Variants in HTR1E observed in about 807,000 individuals in gnomAD.
The protein encoded by HTR1E is 5-hydroxytryptamine receptor 1E.
A neutral mutation model predicts 3.4 loss-of-function variants in HTR1E; 3 were observed. The observed-to-expected ratio is 0.89, with a 90% confidence interval of 0.41 to 2.31. The LOEUF (loss-of-function observed/expected upper bound fraction) is 2.31. Ranked by LOEUF, HTR1E falls within the 30% of genes most tolerant of loss-of-function variation. HTR1E has a pLI of 0.05. For missense variants in HTR1E, 392 were observed against 467.0 expected (o/e 0.84, Z 1.48); for synonymous variants, 170 against 182.8 (o/e 0.93, Z 0.56).
chr6:87,012,420 G>A (rs927145884), intron 1 of HTR1E, among the ~76,000 whole-genome samples: 1 of 152,168 alleles, frequency 6.6e-6, no homozygotes, highest in Non-Finnish European at 1.5e-5. Context: ...AGTGGAGGGT[G>A]AGATTTGAAA....
In HTR1E at chr6:86,994,367, T is replaced by A. The variant is rs181896494; in HGVS notation, c.-185-20783T>A. Among the ~76,000 whole-genome samples, 350 of 151,682 alleles carry A rather than the reference T, an allele frequency of 2.3e-3. 2 individuals carry two copies. The highest frequency in any genetic ancestry group is 2.7e-3 in the Non-Finnish European group (184 of 67,900). On this transcript the variant is annotated intron_variant, in intron 1 of 1. Transcript: ENST00000305344. Reference sequence around the variant, plus strand: ...CTGAAAATTAAAGACAAACAAAAAATCTTGCAGCTGTGAAAGAGAAATGAC... The same window carrying A: ...CTGAAAATTAAAGACAAACAAAAAAACTTGCAGCTGTGAAAGAGAAATGAC...
intron 1 of HTR1E, among the ~76,000 whole-genome samples, chr6:86,943,055 C>T (rs1427109771): frequency 6.6e-6 from 1 of 152,088 alleles, no homozygotes; most frequent in African/African-American, 2.4e-5. Context: ...TACTGAGTAC[C>T]CTTTCTCAGA....
At chr6:86,963,485 G>A (rs377075328) in intron 1 of HTR1E, among the ~76,000 whole-genome samples, 2 of 152,300 alleles carry the variant, frequency 1.3e-5, no homozygotes, top group South Asian at 4.1e-4. Flanking sequence ...TTAGTGTACA[G>A]TGTTTAGAAA....
chr6:86,998,782 T>C (rs1434827873), intron 1 of HTR1E, among the ~76,000 whole-genome samples: 2 of 152,148 alleles, frequency 1.3e-5, no homozygotes. Context: ...CGAAAGCTGG[T>C]TCTTTAAAAA....
At chr6:86,965,268 T>A (rs1372653165) in intron 1 of HTR1E, among the ~76,000 whole-genome samples, 1 of 152,152 alleles carries the variant, frequency 6.6e-6, no homozygotes, top group Non-Finnish European at 1.5e-5. Context: ...GCAGGAGTGT[T>A]CCTACCTGAT....
At chr6:86,975,260 T>C (rs933617675) in intron 1 of HTR1E, among the ~76,000 whole-genome samples, 1 of 152,242 alleles carries the variant, frequency 6.6e-6, no homozygotes, top group Admixed American at 6.5e-5. Flanking sequence ...TTTCCATATA[T>C]GCAATTCCTA....
rs560455461 is a variant in HTR1E, at chr6:86,983,313, C to CTATCACTATCTTCTGATCATGG, written c.-185-31817_-185-31796dup. ...TGCTAAGTTAGAAACATACATATCA[C>CTATCACTATCTTCTGATCATGG]TATCACTATCTTCTGATCATGGTAT... is the stretch of plus-strand genomic sequence containing the variant. On this transcript the variant is annotated intron_variant, in intron 1 of 1. Coordinates refer to ENST00000305344, the MANE Select transcript of HTR1E (RefSeq NM_000865.3). Among the ~76,000 whole-genome samples, 537 of 152,302 alleles carry CTATCACTATCTTCTGATCATGG rather than the reference C, an allele frequency of 3.5e-3. 2 individuals are homozygous for CTATCACTATCTTCTGATCATGG. Among genetic ancestry groups the CTATCACTATCTTCTGATCATGG allele is most frequent in the African/African-American group, 0.012 (517 of 41,562 alleles).
chr6:87,001,567 A>G (rs1049817504), intron 1 of HTR1E, among the ~76,000 whole-genome samples: 7 of 152,200 alleles, frequency 4.6e-5, no homozygotes, highest in Admixed American at 1.3e-4. Flanking sequence ...TCTCAAATCC[A>G]TCTCTCTGAC....
At chr6:86,965,439 G>A (rs1484270645) in intron 1 of HTR1E, among the ~76,000 whole-genome samples, 7 of 152,046 alleles carry the variant, frequency 4.6e-5, no homozygotes, top group African/African-American at 1.4e-4. Flanking sequence ...GGGAAGTTCT[G>A]TATTTTTTTT....
At chr6:86,972,061 G>C (rs1160793294) in intron 1 of HTR1E, among the ~76,000 whole-genome samples, 1 of 152,124 alleles carries the variant, frequency 6.6e-6, no homozygotes. Context: ...ATTTTAAACA[G>C]AGCATTATAA....
chr6:87,010,082 G>A (rs1274795473), intron 1 of HTR1E, among the ~76,000 whole-genome samples: 8 of 129,736 alleles, frequency 6.2e-5, no homozygotes, highest in Middle Eastern at 4.4e-3. Flanking sequence ...CCTCCCTCCC[G>A]GACGGGGTGG....
chr6:86,973,858 C>T (rs1021313182), intron 1 of HTR1E, among the ~76,000 whole-genome samples: 61 of 152,238 alleles, frequency 4.0e-4, no homozygotes, highest in African/African-American at 1.4e-3. Flanking sequence ...AGGTGAAAGC[C>T]GCAATAAACT....
intron 1 of HTR1E, among the ~76,000 whole-genome samples, chr6:86,995,772 A>G (rs904095422): frequency 6.6e-6 from 1 of 151,724 alleles, no homozygotes; most frequent in Non-Finnish European, 1.5e-5. Flanking sequence ...TTGAAAGTAA[A>G]AGAGTAGAAA....
intron 1 of HTR1E, among the ~76,000 whole-genome samples, chr6:86,954,154 TGAA>T (rs1767289638): frequency 6.6e-6 from 1 of 152,160 alleles, no homozygotes. Flanking sequence ...AGGGATATTA[TGAA>T]GAAGTCAAAG....
intron 1 of HTR1E, among the ~76,000 whole-genome samples, chr6:87,014,360 A>G (rs186675217): frequency 6.6e-6 from 1 of 152,044 alleles, no homozygotes; most frequent in Admixed American, 6.5e-5. Flanking sequence ...TGTTGGTGGG[A>G]GTGTAAATTA....
At position 86,991,649 on chromosome 6, in the gene HTR1E, A is replaced by G. The variant is rs912300562; in HGVS notation, c.-185-23501A>G. Among the ~76,000 whole-genome samples, 62 of 152,122 alleles carry G rather than the reference A, an allele frequency of 4.1e-4. 1 individual carries two copies. Among genetic ancestry groups the G allele is most frequent in the African/African-American group, 1.5e-3 (61 of 41,446 alleles). On this transcript the variant is annotated intron_variant, in intron 1 of 1. Coordinates refer to ENST00000305344, the MANE Select transcript of HTR1E (RefSeq NM_000865.3). ...GACAACAAGCTGTAGAATAAAAGGA[A>G]AAGTGATGTTTGTTCAGTGAAGAAC...
Position 86,974,132 on chromosome 6 carries a change from A to AT in HTR1E, c.-186+36316dup, listed in dbSNP as rs199638573. On this transcript the variant is annotated intron_variant, in intron 1 of 1. Coordinates refer to ENST00000305344, the MANE Select transcript of HTR1E (RefSeq NM_000865.3). ...TTTTACCTTTTTCATGTATGTATATATTTTTTTATTTTGAAACAATCAAAA... is the reference window on the plus strand; with the variant it reads ...TTTTACCTTTTTCATGTATGTATATATTTTTTTTATTTTGAAACAATCAAAA... 8.5e-3 allele frequency among the ~76,000 whole-genome samples: 1,286 copies of AT among 152,176 alleles called. 24 individuals carry two copies. The highest frequency in any genetic ancestry group is 0.029 in the African/African-American group (1,220 of 41,516).
chr6:86,951,372 AT>A (rs1268625245), intron 1 of HTR1E, among the ~76,000 whole-genome samples: 1 of 152,164 alleles, frequency 6.6e-6, no homozygotes, highest in East Asian at 1.9e-4. Context: ...GAGCTTTTAA[AT>A]TTTTTGCCTA....
At chr6:86,965,853 G>A (rs1467236768) in intron 1 of HTR1E, among the ~76,000 whole-genome samples, 1 of 152,160 alleles carries the variant, frequency 6.6e-6, no homozygotes, top group Non-Finnish European at 1.5e-5. Context: ...GGACTCGGGG[G>A]AAAGGGTAGG....
Sources: gnomAD v4.1 joint callset for allele counts (sites outside exome capture counted in the v4.1 genomes callset) on GRCh38, gnomAD v4.1.1 for gene constraint, MANE v1.5 for transcripts, NCBI Gene and HGNC (gene_info 2026-07-23, HGNC 2026-07-21) for gene names.